The following MCUB variants were observed in gnomAD, a reference collection of about 807,000 sequenced individuals.
MCUB encodes calcium uniporter regulatory subunit MCUb, mitochondrial.
Under a neutral mutation model 41.4 loss-of-function variants are expected in MCUB, and 46 were observed. The ratio of observed to expected loss-of-function variants is 1.11; its 90% CI spans 0.88 to 1.42. MCUB has a LOEUF of 1.42. MCUB is among the 40% of genes most tolerant of loss of function. The pLI, the probability that MCUB is intolerant of heterozygous loss-of-function variation, is 0.00. For synonymous variants in MCUB, 148 were observed against 148.2 expected (o/e 1.00, Z 0.01); for missense variants, 403 against 404.9 (o/e 1.00, Z 0.04).
chr4:109,605,708 T>C (rs374089683), intron 1 of MCUB, among the ~76,000 whole-genome samples: 16 of 152,338 alleles, frequency 1.1e-4, no homozygotes, highest in East Asian at 9.6e-4. Context: ...ATTGGGATGA[T>C]CCAGTGTTGG....
intron 4 of MCUB, among the ~76,000 whole-genome samples, chr4:109,682,337 T>TTA (rs1554021173): frequency 2.8e-4 from 43 of 151,062 alleles, no homozygotes; most frequent in African/African-American, 8.6e-4. Context: ...TTTTTTTTTT[T>TTA]ACCTTGTATA....
intron 4 of MCUB, among the ~76,000 whole-genome samples, chr4:109,678,918 C>CTGTAATCTTAGCACTTTGG (rs1729648275): frequency 7.0e-6 from 1 of 142,792 alleles, no homozygotes; most frequent in African/African-American, 2.7e-5. Context: ...CGGGCAGAGG[C>CTGTAATCTTAGCACTTTGG]GCTCCTCACA....
rs548972268 is a variant in MCUB at position 109,687,032 on chromosome 4, A to G, written c.934-483A>G. On this transcript the variant is annotated intron_variant, in intron 7 of 7. Coordinates refer to ENST00000394650, the MANE Select transcript of MCUB (RefSeq NM_017918.5). Reference sequence around the variant, plus strand: ...TATAAACTGTATTTTTTTTTAAGGCATAAGGATGAATTAGTAAACTTAAAC... The same window carrying G: ...TATAAACTGTATTTTTTTTTAAGGCGTAAGGATGAATTAGTAAACTTAAAC... Among the ~76,000 whole-genome samples, 5 of 152,134 alleles carry G rather than the reference A, an allele frequency of 3.3e-5. No individual in the cohort carries two copies. The East Asian group carries it at 9.6e-4, about 29-fold the overall frequency.
At chr4:109,687,056 A>G (rs1055028962) in intron 7 of MCUB, among the ~76,000 whole-genome samples, 3 of 152,046 alleles carry the variant, frequency 2.0e-5, no homozygotes, top group Non-Finnish European at 4.4e-5. Context: ...GTAAACTTAA[A>G]CTCATCTTTT....
At chr4:109,592,646 T>C (rs925906443) in intron 1 of MCUB, among the ~76,000 whole-genome samples, 2 of 152,214 alleles carry the variant, frequency 1.3e-5, no homozygotes, top group African/African-American at 4.8e-5. Flanking sequence ...ACACAGAAAG[T>C]AGTAGTTTTA....
chr4:109,624,217 A>T (rs1167615718), intron 1 of MCUB, among the ~76,000 whole-genome samples: 1 of 152,188 alleles, frequency 6.6e-6, no homozygotes, highest in Non-Finnish European at 1.5e-5. Flanking sequence ...GGTGACATGC[A>T]TTCTTATGGA....
At chr4:109,620,306 TACATCCTGATTTCTTTCTTTATG>T (rs1728226250) in intron 1 of MCUB, among the ~76,000 whole-genome samples, 1 of 152,030 alleles carries the variant, frequency 6.6e-6, no homozygotes, top group East Asian at 1.9e-4. Flanking sequence ...GGCCTGTCTG[TACATCCTGATTTCTTTCTTTATG>T]GCACACTGTG....
chr4:109,670,769 A>G (rs920822344), intron 4 of MCUB, among the ~76,000 whole-genome samples: 2 of 152,138 alleles, frequency 1.3e-5, no homozygotes, highest in Non-Finnish European at 2.9e-5. Context: ...GCATATTTCA[A>G]AATCACTACT....
At chr4:109,611,216 A>AAGGCTTCTGTAAATACCCAG (rs1728001386) in intron 1 of MCUB, among the ~76,000 whole-genome samples, 1 of 152,222 alleles carries the variant, frequency 6.6e-6, no homozygotes, top group African/African-American at 2.4e-5. Context: ...AGGTGTTTCC[A>AAGGCTTCTGTAAATACCCAG]AGGTCTAGGC....
intron 1 of MCUB, among the ~76,000 whole-genome samples, chr4:109,629,096 AG>A (rs1298132564): frequency 6.6e-6 from 1 of 152,140 alleles, no homozygotes; most frequent in Non-Finnish European, 1.5e-5. Context: ...ATTAAAATTG[AG>A]TCAGTCCTCC....
chr4:109,619,973 G>A (rs1728219790), intron 1 of MCUB, among the ~76,000 whole-genome samples: 1 of 152,148 alleles, frequency 6.6e-6, no homozygotes, highest in African/African-American at 2.4e-5. Context: ...TTGAGTGACA[G>A]TGTGGATACC....
At chr4:109,676,022 G>T (rs1729571058) in intron 4 of MCUB, among the ~76,000 whole-genome samples, 1 of 152,198 alleles carries the variant, frequency 6.6e-6, no homozygotes. Context: ...ATTGGTACCA[G>T]AAGTGGGGCT....
intron 1 of MCUB, among the ~76,000 whole-genome samples, chr4:109,598,291 C>T (rs1727632419): frequency 6.6e-6 from 1 of 152,010 alleles, no homozygotes; most frequent in African/African-American, 2.4e-5. Context: ...CCACTGCACT[C>T]CAGCCGGGGC....
intron 1 of MCUB, among the ~76,000 whole-genome samples, chr4:109,571,081 C>G (rs1180565998): frequency 6.6e-6 from 1 of 152,176 alleles, no homozygotes; most frequent in Non-Finnish European, 1.5e-5. Context: ...AAGGAACATT[C>G]AAGGCAGTGC....
At chr4:109,569,675 T>G (rs1162512316) in intron 1 of MCUB, among the ~76,000 whole-genome samples, 1 of 151,808 alleles carries the variant, frequency 6.6e-6, no homozygotes, top group Non-Finnish European at 1.5e-5. Flanking sequence ...GGCTAATTTT[T>G]GTATTTTAGT....
chr4:109,645,918 ACT>A (rs972723025), intron 1 of MCUB, among the ~76,000 whole-genome samples: 1 of 151,690 alleles, frequency 6.6e-6, no homozygotes, highest in Non-Finnish European at 1.5e-5. Context: ...CTTAGTTGTC[ACT>A]CTCTCACTAC....
rs1561237484 is a variant in MCUB at position 109,641,637 on chromosome 4, C to A, written c.100-17374C>A. ...TGGCTTAGAAGCAGGGTTACCACAG[C>A]CCTTCAATTTGTACAAAAGGCAGTA... On this transcript the variant is annotated intron_variant, in intron 1 of 7. Transcript: ENST00000394650. 4.6e-5 allele frequency among the ~76,000 whole-genome samples: 7 copies of A among 152,152 alleles called. No individual in the cohort carries two copies. In the South Asian group the frequency reaches 1.2e-3, roughly 27 times the overall value.
intron 1 of MCUB, among the ~76,000 whole-genome samples, chr4:109,625,632 G>T (rs949926153): frequency 6.6e-6 from 1 of 152,146 alleles, no homozygotes; most frequent in Non-Finnish European, 1.5e-5. Flanking sequence ...TTCTTGGAAT[G>T]AACTCATCAT....
At chr4:109,582,731 G>A (rs773241164) in intron 1 of MCUB, among the ~76,000 whole-genome samples, 5 of 152,048 alleles carry the variant, frequency 3.3e-5, no homozygotes, top group Non-Finnish European at 4.4e-5. Context: ...AATCCATCTC[G>A]AATTAATTTT....
Sources: allele counts gnomAD v4.1 joint callset (sites outside exome capture counted in the v4.1 genomes callset), GRCh38; gene constraint gnomAD v4.1.1; transcripts MANE v1.5; gene names NCBI Gene and HGNC (gene_info 2026-07-23, HGNC 2026-07-21).